Variants in HESX1 observed in about 807,000 individuals in gnomAD.
HESX1 encodes the protein homeobox expressed in ES cells 1.
A neutral mutation model predicts 22.5 loss-of-function variants in HESX1; 11 were observed. The ratio of observed to expected loss-of-function variants is 0.49; its 90% CI spans 0.31 to 0.81. The LOEUF (loss-of-function observed/expected upper bound fraction) is 0.81, where lower values mean the gene tolerates loss of function less well. Among genes scored for constraint, HESX1 ranks in the 30% least tolerant of loss-of-function variants. HESX1 has a pLI of 0.05. For synonymous variants in HESX1, 74 were observed against 76.5 expected (o/e 0.97, Z 0.17); for missense variants, 201 against 212.6 (o/e 0.95, Z 0.34).
At chr3:57,204,001 T>A (rs1004116448), upstream of HESX1, among the ~76,000 whole-genome samples, 1 of 152,098 alleles carries the variant, frequency 6.6e-6, no homozygotes, top group Non-Finnish European at 1.5e-5. Context: ...ATCCCTGAGA[T>A]AGCTGCTGCC....
chr3:57,221,314 C>T lies in HESX1; in HGVS notation c.-111+4982G>A, dbSNP rs749826783. On this transcript the variant is annotated intron_variant, in intron 1 of 2. Coordinates refer to the HESX1 transcript ENST00000495160. ...GACCATAGGTACACACCACCATACC[C>T]AGCCAATTAAAAACTTTTTTTTTGT... 4.9e-4 allele frequency among the ~76,000 whole-genome samples: 74 copies of T among 151,782 alleles called. 1 individual carries two copies. The highest frequency in any genetic ancestry group is 1.5e-3 in the South Asian group (7 of 4,802).
upstream of HESX1, among the ~76,000 whole-genome samples, chr3:57,201,768 G>C (rs1213651862): frequency 6.6e-6 from 1 of 151,768 alleles, no homozygotes. Context: ...GCGCATGCCA[G>C]AGCAACTCCA....
chr3:57,218,179 C>T (rs529293905), intron 1 of HESX1, among the ~76,000 whole-genome samples: 1 of 152,230 alleles, frequency 6.6e-6, no homozygotes, highest in African/African-American at 2.4e-5. Flanking sequence ...ATGGGGGTTT[C>T]TTGTACAGAT....
Position 57,211,527 on chromosome 3 carries a change from C to CAAAAAA in HESX1, c.-110-11505_-110-11500dup, listed in dbSNP as rs61137408. On this transcript the variant is annotated intron_variant, in intron 1 of 2. Coordinates refer to the HESX1 transcript ENST00000495160. ...TCTGGGTGACAGAGAGAGACCTTGT[C>CAAAAAA]AAAAAAAAAAAAAAAAAAAAAAAAG... Among the ~76,000 whole-genome samples the CAAAAAA allele has an allele frequency of 1.6e-3, 50 of 31,976 alleles. 9 individuals carry two copies. The highest frequency in any genetic ancestry group is 6.0e-3 in the African/African-American group (35 of 5,858). 21.0% of individuals were successfully genotyped at this position (31,976 alleles called of 152,430 possible).
chr3:57,201,011 T>C (rs551550806), upstream of HESX1, among the ~76,000 whole-genome samples: 18 of 152,374 alleles, frequency 1.2e-4, no homozygotes, highest in Admixed American at 7.8e-4. Flanking sequence ...TTTTATACTC[T>C]GCTCCTCCTC....
At chr3:57,225,763 G>C (rs1476163029) in intron 1 of HESX1, among the ~76,000 whole-genome samples, 1 of 152,096 alleles carries the variant, frequency 6.6e-6, no homozygotes, top group Non-Finnish European at 1.5e-5. Flanking sequence ...TACTAAGAAG[G>C]AAACCATTTA....
rs777833871 is a variant in HESX1 at position 57,198,869 on chromosome 3, CT to C, written c.240del (p.Glu81LysfsTer19). On this transcript the variant is annotated frameshift_variant, in exon 2 of 4. Coordinates refer to ENST00000295934, the MANE Select transcript of HESX1 (RefSeq NM_003865.3). LOFTEE classifies it high-confidence loss of function. Reference sequence around the variant, plus strand: ...TTTTCATATTTCGAAGCTCTTTCTTCTGGCATTGGGTGATCCACCACGCTAG... The same window carrying C: ...TTTTCATATTTCGAAGCTCTTTCTTCGGCATTGGGTGATCCACCACGCTAG... ...SFPSVVDHPM[P>X]EERASKYENY... 5.6e-6 allele frequency: 9 copies of C among 1,614,028 alleles called. No homozygotes were observed. Among genetic ancestry groups the C allele is most frequent in the Non-Finnish European group, 7.6e-6 (9 of 1,180,022 alleles).
chr3:57,206,818 A>G (rs1431643142), intron 1 of HESX1, among the ~76,000 whole-genome samples: 2 of 152,198 alleles, frequency 1.3e-5, no homozygotes, highest in Non-Finnish European at 2.9e-5. Context: ...AAGCAAACAT[A>G]AGCTCATAAT....
At chr3:57,217,503 A>G (rs1216895107) in intron 1 of HESX1, among the ~76,000 whole-genome samples, 1 of 152,112 alleles carries the variant, frequency 6.6e-6, no homozygotes, top group African/African-American at 2.4e-5. Context: ...ACTCACAGAG[A>G]TGGCTTCCTT....
At position 57,199,933 on chromosome 3, in the gene HESX1, C is replaced by T. The variant is rs1220497248; in HGVS notation, c.-15G>A. 6 of 1,613,072 alleles carry T rather than the reference C, an allele frequency of 3.7e-6. No individual in the cohort carries two copies. In the African/African-American group the frequency reaches 8.0e-5, roughly 22 times the overall value. On this transcript the variant is annotated 5_prime_UTR_variant, in exon 1 of 4. Coordinates refer to ENST00000295934, the MANE Select transcript of HESX1 (RefSeq NM_003865.3). ...CTGGGAGACATCCTCTCGTGGTCTG[C>T]ACAGAGCAACAGCTCTGGCCTCTGC...
At chr3:57,200,084 A>G (rs531148868), upstream of HESX1, 36 of 649,716 alleles carry the variant, frequency 5.5e-5, no homozygotes, top group Middle Eastern at 4.1e-4. Context: ...TAGCATGTCA[A>G]TGAACACTTG....
rs2060472722 is a variant in HESX1 at position 57,199,706 on chromosome 3, A to T, written c.157+56T>A. Reference sequence around the variant, plus strand: ...TCTATGTAGTATGAAATAAAGGGCAAATTAAACACTGTAAATGAAATAACA... The same window carrying T: ...TCTATGTAGTATGAAATAAAGGGCATATTAAACACTGTAAATGAAATAACA... On this transcript the variant is annotated intron_variant, in intron 1 of 3. Transcript: ENST00000295934. The T allele has an allele frequency of 2.0e-6, 3 of 1,535,750 alleles. No homozygotes were observed. In the African/African-American group the frequency reaches 4.1e-5, roughly 21 times the overall value.
upstream of HESX1, chr3:57,200,022 A>G (rs1291568209): frequency 2.0e-6 from 2 of 987,988 alleles, no homozygotes; most frequent in Non-Finnish European, 1.6e-6. Context: ...CTCCGCTGAC[A>G]AGGGGGCTGG....
chr3:57,213,380 C>A (rs2060566637), intron 1 of HESX1, among the ~76,000 whole-genome samples: 1 of 152,148 alleles, frequency 6.6e-6, no homozygotes, highest in Admixed American at 6.5e-5. Context: ...AACCCTTGTT[C>A]TTATGTCCTG....
At chr3:57,223,614 T>C (rs2060627044) in intron 1 of HESX1, among the ~76,000 whole-genome samples, 1 of 152,204 alleles carries the variant, frequency 6.6e-6, no homozygotes, top group South Asian at 2.1e-4. Flanking sequence ...TGTCCAAAGC[T>C]TCCCCCTACT....
chr3:57,212,014 C>A (rs149260162), intron 1 of HESX1, among the ~76,000 whole-genome samples: 1 of 152,210 alleles, frequency 6.6e-6, no homozygotes, highest in African/African-American at 2.4e-5. Flanking sequence ...TCTTCGATCT[C>A]CCCTGCACCC....
intron 1 of HESX1, among the ~76,000 whole-genome samples, chr3:57,218,467 G>T (rs2060596278): frequency 7.1e-6 from 1 of 141,050 alleles, no homozygotes. Context: ...TTTTTGAGGT[G>T]GAGTCTCAGT....
At position 57,198,756 on chromosome 3, in the gene HESX1, G is replaced by A. The variant is rs746444024; in HGVS notation, c.354C>T (p.Asn118=). ...ATTGGGTGAAAAAACTTCCCACCTGGTTTTGAGTAAAAGCAGTTCTTGGTC... is the reference window on the plus strand; with the variant it reads ...ATTGGGTGAAAAAACTTCCCACCTGATTTTGAGTAAAAGCAGTTCTTGGTC... ...GRRPRTAFTQ[N]QIEVLENVFR... The change falls in exon 2 of 4, where the codon AAC becomes AAT. Residue 118 remains asparagine (N), a synonymous_variant. Coordinates refer to ENST00000295934, the MANE Select transcript of HESX1 (RefSeq NM_003865.3). 6.2e-7 allele frequency: 1 copy of A among 1,613,748 alleles called. No homozygotes were observed. Among genetic ancestry groups the A allele is most frequent in the East Asian group, 2.2e-5 (1 of 44,874 alleles).
intron 1 of HESX1, among the ~76,000 whole-genome samples, chr3:57,210,750 T>A (rs1278780603): frequency 6.6e-6 from 1 of 152,182 alleles, no homozygotes; most frequent in African/African-American, 2.4e-5. Flanking sequence ...ACTAGTATTG[T>A]TTATTGTTTA....
Sources: gnomAD v4.1 joint callset for allele counts (sites outside exome capture counted in the v4.1 genomes callset) on GRCh38, gnomAD v4.1.1 for gene constraint, MANE v1.5 for transcripts, NCBI Gene and HGNC (gene_info 2026-07-23, HGNC 2026-07-21) for gene names.